The following SPATA13 variants were observed in gnomAD, a reference collection of about 807,000 sequenced individuals.
SPATA13 encodes the protein spermatogenesis associated 13.
In SPATA13, 50 loss-of-function variants were observed where a neutral mutation model predicts 104.0. That is an observed-to-expected ratio of 0.48 (90% confidence interval 0.38 to 0.61). The LOEUF (loss-of-function observed/expected upper bound fraction) is 0.61. Ranked by LOEUF, SPATA13 falls within the 20% of genes least tolerant of loss-of-function variation. SPATA13 has a pLI of 0.00. For synonymous variants in SPATA13, 606 were observed against 667.5 expected, an observed-to-expected ratio of 0.91 and a Z score of 1.42; for missense variants, 1,524 against 1,690.6, an observed-to-expected ratio of 0.90 and a Z score of 1.73.
intron 4 of SPATA13, among the ~76,000 whole-genome samples, chr13:24,279,438 C>G (rs1471934547): frequency 6.6e-6 from 1 of 152,142 alleles, no homozygotes; most frequent in Non-Finnish European, 1.5e-5. Context: ...CAGCATCGCT[C>G]TGGCAGCTAT....
Position 24,046,324 on chromosome 13 carries a change from C to T in SPATA13, c.-112+28623C>T, listed in dbSNP as rs372284324. On this transcript the variant is annotated intron_variant, in intron 3 of 14. Coordinates refer to the SPATA13 transcript ENST00000424834. ...TTTTTTTTTTTAAGAGTCAGAGTGT[C>T]GCTCTGTCACCAGGCTGGAGTGCAG... Among the ~76,000 whole-genome samples, 86 of 149,002 alleles carry T rather than the reference C, an allele frequency of 5.8e-4. No individual in the cohort carries two copies. The South Asian group carries it at 0.016, about 27-fold the overall frequency.
intron 2 of SPATA13, among the ~76,000 whole-genome samples, chr13:24,239,818 G>A (rs924255099): frequency 3.3e-5 from 5 of 150,808 alleles, no homozygotes; most frequent in Non-Finnish European, 7.4e-5. Context: ...TTCCAAAGAG[G>A]AAAGTAAGTT....
At chr13:24,052,492 T>G (rs1391439679) in intron 3 of SPATA13, among the ~76,000 whole-genome samples, 1 of 16,266 alleles carries the variant, frequency 6.1e-5, no homozygotes. Flanking sequence ...GAAATATATG[T>G]TTTTTTTTTT....
chr13:24,112,800 T>C (rs974877668), intron 3 of SPATA13, among the ~76,000 whole-genome samples: 2 of 152,210 alleles, frequency 1.3e-5, no homozygotes, highest in Non-Finnish European at 2.9e-5. Flanking sequence ...CTCGTAGTAG[T>C]ATGATTTGGT....
chr13:24,224,715 G>C, intron 2 of SPATA13, 133 bp downstream of exon 2: 1 of 901,376 alleles, frequency 1.1e-6, no homozygotes, highest in South Asian at 1.4e-5. Context: ...TACAGTATTA[G>C]TGGGAATGGG....
chr13:24,038,563 C>T (rs1286082912), intron 3 of SPATA13, among the ~76,000 whole-genome samples: 4 of 152,128 alleles, frequency 2.6e-5, no homozygotes, highest in Non-Finnish European at 2.9e-5. Context: ...GGTCAGCAGA[C>T]GTCTTCGGTA....
At chr13:24,065,360 G>A (rs1176321118) in intron 3 of SPATA13, among the ~76,000 whole-genome samples, 2 of 152,150 alleles carry the variant, frequency 1.3e-5, no homozygotes, top group Non-Finnish European at 2.9e-5. Flanking sequence ...GGCAGAGCAT[G>A]TGTGGGAGGG....
At chr13:24,109,894 T>C (rs9580875) in intron 3 of SPATA13, among the ~76,000 whole-genome samples, 12,049 of 151,530 alleles carry the variant, frequency 0.08, 919 homozygotes, top group African/African-American at 0.2. Flanking sequence ...AGTGAAATTG[T>C]TGAATCAAAG....
At chr13:24,297,330 G>A in intron 10 of SPATA13, 33 bp from the exon 11 acceptor site, 1 of 1,571,368 alleles carries the variant, frequency 6.4e-7, no homozygotes, top group Non-Finnish European at 8.6e-7. Context: ...TGGTAGAATT[G>A]GAAGGTCTTA....
intron 3 of SPATA13, among the ~76,000 whole-genome samples, chr13:24,153,908 A>G (rs1028629943): frequency 1.3e-5 from 2 of 152,218 alleles, no homozygotes; most frequent in African/African-American, 4.8e-5. Flanking sequence ...GTGGAAATAA[A>G]TATCCACCCT....
At chr13:24,234,347 T>C (rs1872454315) in intron 2 of SPATA13, among the ~76,000 whole-genome samples, 1 of 152,202 alleles carries the variant, frequency 6.6e-6, no homozygotes, top group African/African-American at 2.4e-5. Context: ...TACAGAAAGG[T>C]ACACTTCCAT....
intron 3 of SPATA13, among the ~76,000 whole-genome samples, chr13:24,049,343 G>A (rs1334913352): frequency 6.6e-6 from 1 of 152,202 alleles, no homozygotes; most frequent in African/African-American, 2.4e-5. Context: ...TTGTGTTACA[G>A]CTGCCTACAG....
rs781042669 is a variant in SPATA13, at chr13:24,249,586, G to A, written c.1763G>A (p.Arg588Gln). 16 of 1,613,894 alleles carry A rather than the reference G, an allele frequency of 9.9e-6. No homozygotes were observed. The highest frequency in any genetic ancestry group is 4.0e-5 in the African/African-American group (3 of 74,926). The change falls in exon 3 of 13, where the codon CGG becomes CAG. Residue 588 changes from arginine to glutamine, a missense_variant. By Grantham distance (43) the Arg-to-Gln change is conservative. Coordinates refer to ENST00000382108, the MANE Select transcript of SPATA13 (RefSeq NM_001166271.3). ...RWGSGRRPRP[R>Q]PFSDYGQLAS... ...GGCTCTGGGAGACGGCCAAGGCCTCGGCCATTCTCTGACTACGGCCAGCTG... is the reference window on the plus strand; with the variant it reads ...GGCTCTGGGAGACGGCCAAGGCCTCAGCCATTCTCTGACTACGGCCAGCTG...
At chr13:24,060,307 C>T (rs966306644) in intron 3 of SPATA13, among the ~76,000 whole-genome samples, 4 of 152,146 alleles carry the variant, frequency 2.6e-5, no homozygotes, top group Non-Finnish European at 5.9e-5. Flanking sequence ...TGATCTTTGA[C>T]AAAGCTGACA....
chr13:24,158,329 T>C (rs973859618), upstream of SPATA13, among the ~76,000 whole-genome samples: 3 of 152,186 alleles, frequency 2.0e-5, no homozygotes, highest in Non-Finnish European at 2.9e-5. Context: ...TAGAGAGCCA[T>C]GTTGACAGAA....
intron 3 of SPATA13, among the ~76,000 whole-genome samples, chr13:24,144,021 G>A (rs1434227398): frequency 2.6e-5 from 4 of 152,192 alleles, no homozygotes; most frequent in Non-Finnish European, 4.4e-5. Context: ...CTCAAAGCAC[G>A]TAGAGTGGGG....
At chr13:24,145,552 C>T (rs1233654892) in intron 3 of SPATA13, among the ~76,000 whole-genome samples, 2 of 152,152 alleles carry the variant, frequency 1.3e-5, no homozygotes, top group Admixed American at 6.5e-5. Flanking sequence ...TAAGAAGAGT[C>T]AGAGGGGTGG....
intron 3 of SPATA13, among the ~76,000 whole-genome samples, chr13:24,065,614 AGAGACG>A (rs2137759494): frequency 3.4e-4 from 1 of 2,920 alleles, no homozygotes; most frequent in South Asian, 0.062. Context: ...CAAGACAGAG[AGAGACG>A]TCCCCTAAGC....
intron 2 of SPATA13, among the ~76,000 whole-genome samples, chr13:24,242,763 G>C (rs1201468653): frequency 6.6e-6 from 1 of 152,086 alleles, no homozygotes; most frequent in African/African-American, 2.4e-5. Context: ...ATCTCTTTCT[G>C]CATATGTAAA....
Sources: gnomAD v4.1 joint callset for allele counts (sites outside exome capture counted in the v4.1 genomes callset) on GRCh38, gnomAD v4.1.1 for gene constraint, MANE v1.5 for transcripts, NCBI Gene and HGNC (gene_info 2026-07-23, HGNC 2026-07-21) for gene names.